The following MAP4 variants were observed in gnomAD, a reference collection of about 807,000 sequenced individuals.
The protein encoded by MAP4 is microtubule associated protein 4.
In MAP4, 76 loss-of-function variants were observed where a neutral mutation model predicts 170.2. The ratio of observed to expected loss-of-function variants is 0.45; its 90% confidence interval spans 0.37 to 0.54. The LOEUF (loss-of-function observed/expected upper bound fraction) is 0.54. MAP4 is among the 20% of genes least tolerant of loss of function. The pLI is 0.00. For missense variants in MAP4, 2,506 were observed against 2,748.0 expected (o/e 0.91, Z 1.97); for synonymous variants, 909 against 994.5 (o/e 0.91, Z 1.62).
intron 3 of MAP4, among the ~76,000 whole-genome samples, chr3:47,956,624 T>C (rs146890577): frequency 3.3e-5 from 5 of 152,312 alleles, no homozygotes; most frequent in African/African-American, 1.2e-4. Context: ...GGGGGAAAGA[T>C]ATGCAGATGA....
In MAP4 at chr3:47,911,291, C is replaced by T; in HGVS notation, c.3130G>A (p.Val1044Ile). 1 of 1,536,148 alleles carries T rather than the reference C, an allele frequency of 6.5e-7. No individual in the cohort carries two copies. Reference sequence around the variant, plus strand: ...AATGGTTCATTCTCTACCCCAGGGACCTGTACCAACACTTGGCCCTGCAGC... The same window carrying T: ...AATGGTTCATTCTCTACCCCAGGGATCTGTACCAACACTTGGCCCTGCAGC... The part of the protein sequence containing the change: ...EQLQGQVLVQ[V>I]PGVENEPFKR... Residue 1044 changes from valine to isoleucine, a missense_variant, in exon 9 of 21, where the codon GTC becomes ATC. By Grantham distance (29) the Val-to-Ile change is conservative. Coordinates refer to ENST00000683076, the MANE Select transcript of MAP4 (RefSeq NM_001385682.1). This position sits in a 1 kb window ranked among gnomAD's most constrained non-coding sequence, Gnocchi z 4.0.
In MAP4 at chr3:47,917,173, A is replaced by C. The variant is rs776614415; in HGVS notation, c.654T>G (p.Val218=). Residue 218 remains valine, a splice_region_variant and synonymous_variant, in exon 7 of 21, where the codon GTT becomes GTG. Coordinates refer to ENST00000683076, the MANE Select transcript of MAP4 (RefSeq NM_001385682.1). The stretch of plus-strand genomic sequence containing the variant: ...CTATCTCCTTGGCTAGCTCTAAGGG[A>C]ACTAAATTGGAAATTTAGGACACAT... ...AVAEPPQPTA[V]PLELAKEIEM... 2.5e-6 allele frequency: 4 copies of C among 1,608,922 alleles called. No homozygotes were observed. In the African/African-American group the frequency reaches 5.4e-5, roughly 22 times the overall value.
rs566747022 is a variant in MAP4 at position 47,852,913 on chromosome 3, C to A, written c.*21G>T. 1 of 1,609,554 alleles carries A rather than the reference C, an allele frequency of 6.2e-7. No homozygotes were observed. Among genetic ancestry groups the A allele is most frequent in the South Asian group, 1.1e-5 (1 of 90,626 alleles). ...GTCGGTGCGGGCCCTGGCATTTGCC[C>A]GGAACGTCAGCCTGTAGGTCTCAAT... is the stretch of plus-strand genomic sequence containing the variant. On this transcript the variant is annotated 3_prime_UTR_variant, in exon 21 of 21. Transcript: ENST00000683076.
intron 17 of MAP4, 73 bp downstream of exon 17, chr3:47,867,173 A>G (rs2081951916): frequency 9.7e-7 from 1 of 1,033,782 alleles, no homozygotes; most frequent in Admixed American, 2.0e-5. Flanking sequence ...CTACATGGGC[A>G]CCTGGCTCTC....
intron 1 of MAP4, among the ~76,000 whole-genome samples, chr3:48,073,981 C>T (rs1270318259): frequency 6.6e-6 from 1 of 152,100 alleles, no homozygotes; most frequent in Non-Finnish European, 1.5e-5. Context: ...GATTATAAAT[C>T]ATGTGTCTTT....
At chr3:47,863,779 C>T (rs532827312) in intron 17 of MAP4, among the ~76,000 whole-genome samples, 4 of 151,960 alleles carry the variant, frequency 2.6e-5, no homozygotes, top group East Asian at 1.9e-4. Context: ...CCCTCCCCTC[C>T]GCTGGTGTCC....
chr3:47,888,708 A>G (rs2098083440), intron 10 of MAP4, among the ~76,000 whole-genome samples: 1 of 152,226 alleles, frequency 6.6e-6, no homozygotes, highest in South Asian at 2.1e-4. Context: ...TAAGCTTTAA[A>G]CTTTTCAGTG....
chr3:47,871,854 G>A, intron 13 of MAP4, 63 bp downstream of exon 13: 1 of 1,492,408 alleles, frequency 6.7e-7, no homozygotes, highest in Non-Finnish European at 9.2e-7. Flanking sequence ...GCTATGGCTG[G>A]GGCAAAGCCA....
At chr3:48,075,265 C>T (rs2154567122) in intron 1 of MAP4, among the ~76,000 whole-genome samples, 1 of 152,274 alleles carries the variant, frequency 6.6e-6, no homozygotes, top group East Asian at 1.9e-4. Flanking sequence ...TGGCTCACAC[C>T]TGTAATCCCA....
intron 1 of MAP4, among the ~76,000 whole-genome samples, chr3:48,004,856 C>T (rs1307265979): frequency 6.6e-6 from 1 of 152,112 alleles, no homozygotes; most frequent in Non-Finnish European, 1.5e-5. Context: ...CCGCCATCAA[C>T]CTTTCCATCT....
At chr3:47,892,786 G>A (rs991111658) in intron 10 of MAP4, 1 of 1,197,704 alleles carries the variant, frequency 8.3e-7, no homozygotes, top group East Asian at 4.8e-5. Context: ...CTAGCACTCT[G>A]TTTAGATCTG....
At chr3:47,868,737 C>T (rs751836677) in intron 16 of MAP4, among the ~76,000 whole-genome samples, 4 of 152,140 alleles carry the variant, frequency 2.6e-5, no homozygotes, top group African/African-American at 9.7e-5. Context: ...AGAGGTGACC[C>T]GGGGAACCAG....
intron 11 of MAP4, among the ~76,000 whole-genome samples, chr3:47,876,132 CT>C (rs756229459): frequency 1.4e-5 from 2 of 140,570 alleles, no homozygotes; most frequent in African/African-American, 5.2e-5. Context: ...TTTTCTTTTT[CT>C]TTCTTTTTTT....
chr3:47,955,585 A>T (rs541920911), intron 3 of MAP4, among the ~76,000 whole-genome samples: 1 of 152,322 alleles, frequency 6.6e-6, no homozygotes, highest in African/African-American at 2.4e-5. Context: ...GATGCGAGAT[A>T]AACCCTACAA....
At chr3:48,030,521 G>A (rs907128048) in intron 1 of MAP4, among the ~76,000 whole-genome samples, 11 of 151,302 alleles carry the variant, frequency 7.3e-5, no homozygotes, top group South Asian at 2.1e-4. Context: ...TAAGTTGGCC[G>A]GACGAGGTGG....
rs773680827 is a variant in MAP4 at position 47,916,466 on chromosome 3, G to A, written c.1361C>T (p.Pro454Leu). Residue 454 changes from proline (P) to leucine (L), a missense_variant, in exon 7 of 21, where the codon CCG becomes CTG. Transcript: ENST00000683076. The stretch of plus-strand genomic sequence containing the variant: ...CTTGGTCAAGATCACGTTGGTTTCC[G>A]GGGGCAGTGTCATGTCCCTGGCCAG... ...VALARDMTLP[P>L]ETNVILTKDK... The A allele has an allele frequency of 6.8e-6, 11 of 1,614,140 alleles. No individual in the cohort carries two copies. The highest frequency in any genetic ancestry group is 3.3e-5 in the Admixed American group (2 of 60,016).
At chr3:47,979,096 CTT>C (rs2100083878) in intron 2 of MAP4, among the ~76,000 whole-genome samples, 1 of 151,768 alleles carries the variant, frequency 6.6e-6, no homozygotes, top group East Asian at 1.9e-4. Flanking sequence ...TTCTAGAAGT[CTT>C]ATAGTTTTCA....
At chr3:48,050,326 T>C (rs983645157) in intron 1 of MAP4, among the ~76,000 whole-genome samples, 1 of 151,228 alleles carries the variant, frequency 6.6e-6, no homozygotes, top group Non-Finnish European at 1.5e-5. Context: ...TTGTGTTACA[T>C]GTACTACACA....
At chr3:47,975,112 A>C (rs2100081208) in intron 3 of MAP4, 1 of 1,075,782 alleles carries the variant, frequency 9.3e-7, no homozygotes, top group African/African-American at 1.6e-5. Context: ...TTAAAGGAAA[A>C]AAATGTGAGA....
Sources: gnomAD v4.1 joint callset for allele counts (sites outside exome capture counted in the v4.1 genomes callset) on GRCh38, gnomAD v4.1.1 for gene constraint, Gnocchi (gnomAD v3.1) non-coding constraint, MANE v1.5 for transcripts, NCBI Gene and HGNC (gene_info 2026-07-23, HGNC 2026-07-21) for gene names.